The following GALNTL6 variants were observed in gnomAD, a reference collection of about 807,000 sequenced individuals.
GALNTL6 encodes polypeptide N-acetylgalactosaminyltransferase-like 6.
Under a neutral mutation model 73.7 loss-of-function variants are expected in GALNTL6, and 46 were observed. The observed-to-expected ratio is 0.62, with a 90% CI of 0.49 to 0.80. The LOEUF (loss-of-function observed/expected upper bound fraction) is 0.80. Among genes scored for constraint, GALNTL6 ranks in the 30% least tolerant of loss-of-function variants. The probability of loss-of-function intolerance (pLI) is 0.00; values close to 1 mark genes in which losing one functional copy is unlikely to be tolerated. For synonymous variants in GALNTL6, 259 were observed against 263.7 expected, an observed-to-expected ratio of 0.98 and a Z score of 0.17; for missense variants, 604 against 755.0, an observed-to-expected ratio of 0.80 and a Z score of 2.34.
rs191224356 is a variant in GALNTL6 at position 171,882,057 on chromosome 4, T to C, written c.138+67339T>C. Among the ~76,000 whole-genome samples the C allele has an allele frequency of 2.1e-3, 321 of 152,354 alleles. 2 individuals carry two copies. Among genetic ancestry groups the C allele is most frequent in the African/African-American group, 7.4e-3 (307 of 41,590 alleles). ...CCCTTATTTCACTCTCTAGTTCTCT[T>C]GATACCATCTGTTCTTTTCCTTCTT... On this transcript the variant is annotated intron_variant, in intron 2 of 12. Coordinates refer to ENST00000506823, the MANE Select transcript of GALNTL6 (RefSeq NM_001034845.3).
At chr4:172,594,617 T>C (rs539332010) in intron 5 of GALNTL6, among the ~76,000 whole-genome samples, 1 of 152,346 alleles carries the variant, frequency 6.6e-6, no homozygotes, top group Non-Finnish European at 1.5e-5. Context: ...CAGAATATTA[T>C]ACATTTCAAT....
At chr4:172,957,137 G>A (rs959981495) in intron 10 of GALNTL6, among the ~76,000 whole-genome samples, 5 of 152,282 alleles carry the variant, frequency 3.3e-5, no homozygotes, top group Admixed American at 1.3e-4. Flanking sequence ...AGTCCTGGGC[G>A]GGAGCAAATC....
intron 3 of GALNTL6, among the ~76,000 whole-genome samples, chr4:172,293,712 T>C (rs1739553233): frequency 6.6e-6 from 1 of 151,638 alleles, no homozygotes; most frequent in Non-Finnish European, 1.5e-5. Context: ...GCAATACATC[T>C]GTATAAATTA....
At chr4:172,276,651 CT>C (rs906166028) in intron 3 of GALNTL6, among the ~76,000 whole-genome samples, 26 of 149,762 alleles carry the variant, frequency 1.7e-4, no homozygotes, top group African/African-American at 5.6e-4. Flanking sequence ...ATCACTTTAA[CT>C]TTTTTTTTTC....
chr4:171,947,117 A>G (rs192101606), intron 2 of GALNTL6, among the ~76,000 whole-genome samples: 18 of 151,692 alleles, frequency 1.2e-4, no homozygotes, highest in Admixed American at 1.2e-3. Context: ...AGTACAACCT[A>G]CCCCCTTTCC....
At position 172,782,096 on chromosome 4, in the gene GALNTL6, A is replaced by G. The variant is rs182860627; in HGVS notation, c.554-27265A>G. 3.3e-5 allele frequency among the ~76,000 whole-genome samples: 5 copies of G among 152,210 alleles called. No individual in the cohort carries two copies. In the East Asian group the frequency reaches 7.7e-4, roughly 23 times the overall value. Reference sequence around the variant, plus strand: ...ACTAAAGGCTCACTCAATTGACCATAACCTTCTCTTAATTCTTCTCTCATT... The same window carrying G: ...ACTAAAGGCTCACTCAATTGACCATGACCTTCTCTTAATTCTTCTCTCATT... On this transcript the variant is annotated intron_variant, in intron 5 of 12. Transcript: ENST00000506823.
chr4:172,170,740 A>G (rs1463099798), intron 2 of GALNTL6, among the ~76,000 whole-genome samples: 1 of 151,888 alleles, frequency 6.6e-6, no homozygotes, highest in Admixed American at 6.6e-5. Context: ...TGAACTCCTG[A>G]CCTCAAGTCA....
intron 5 of GALNTL6, among the ~76,000 whole-genome samples, chr4:172,634,308 A>G (rs1038893369): frequency 2.0e-5 from 3 of 152,186 alleles, no homozygotes; most frequent in South Asian, 2.1e-4. Flanking sequence ...TGGCTCAAAG[A>G]CATGTTTTTT....
At chr4:171,900,279 C>T (rs185808726) in intron 2 of GALNTL6, among the ~76,000 whole-genome samples, 5 of 151,984 alleles carry the variant, frequency 3.3e-5, no homozygotes, top group African/African-American at 1.2e-4. Flanking sequence ...TTGAAATCAT[C>T]CCACAAGTCT....
intron 5 of GALNTL6, among the ~76,000 whole-genome samples, chr4:172,610,163 TG>T: frequency 6.6e-6 from 1 of 152,188 alleles, no homozygotes; most frequent in African/African-American, 2.4e-5. Context: ...ATTGATTTTT[TG>T]TGTGGTTTTT....
chr4:172,065,431 G>A (rs186434108), intron 2 of GALNTL6, among the ~76,000 whole-genome samples: 134 of 152,152 alleles, frequency 8.8e-4, no homozygotes, highest in African/African-American at 2.2e-3. Flanking sequence ...CAGGGGTTGG[G>A]GACCCCTGCA....
In GALNTL6 at chr4:172,354,627, G is replaced by T. The variant is rs1444254925; in HGVS notation, c.553+5938G>T. Among the ~76,000 whole-genome samples the T allele has an allele frequency of 2.6e-5, 4 of 152,036 alleles. No individual in the cohort carries two copies. In the East Asian group the frequency reaches 7.7e-4, roughly 29 times the overall value. ...CTACAACATAAAGGGGTAAAAGTTTGGGAAGTTACAAAATAAAAACTCAAC... is the reference window on the plus strand; with the variant it reads ...CTACAACATAAAGGGGTAAAAGTTTTGGAAGTTACAAAATAAAAACTCAAC... On this transcript the variant is annotated intron_variant, in intron 5 of 12. Coordinates refer to ENST00000506823, the MANE Select transcript of GALNTL6 (RefSeq NM_001034845.3).
At chr4:171,934,789 C>G (rs1475942316) in intron 2 of GALNTL6, among the ~76,000 whole-genome samples, 1 of 152,190 alleles carries the variant, frequency 6.6e-6, no homozygotes, top group Non-Finnish European at 1.5e-5. Context: ...GGCTAGAATA[C>G]TACAGTTTCT....
rs188865889 is a variant in GALNTL6 at position 172,846,278 on chromosome 4, G to A, written c.923+32555G>A. On this transcript the variant is annotated intron_variant, in intron 7 of 12. Transcript: ENST00000506823. ...AACCAAAAAGCTTAAAACTTTAGGA[G>A]GAACATGAACCTTAGAAAATATAAT... 1.2e-3 allele frequency among the ~76,000 whole-genome samples: 190 copies of A among 152,120 alleles called. 1 individual carries two copies. The highest frequency in any genetic ancestry group is 4.4e-3 in the African/African-American group (184 of 41,508).
At chr4:171,899,715 C>T (rs80353316) in intron 2 of GALNTL6, among the ~76,000 whole-genome samples, 1,882 of 152,286 alleles carry the variant, frequency 0.012, 43 homozygotes, top group African/African-American at 0.043. Context: ...TGAGTGTCAT[C>T]TGCTAATATT....
At chr4:172,304,494 T>C (rs1740055441) in intron 3 of GALNTL6, among the ~76,000 whole-genome samples, 1 of 152,172 alleles carries the variant, frequency 6.6e-6, no homozygotes, top group Non-Finnish European at 1.5e-5. Context: ...GTGTTAATTA[T>C]GAAAACTCTC....
chr4:172,538,170 T>A (rs1386692122), intron 5 of GALNTL6, among the ~76,000 whole-genome samples: 7 of 152,030 alleles, frequency 4.6e-5, no homozygotes, highest in Non-Finnish European at 1.0e-4. Flanking sequence ...CTTCAAGATT[T>A]CAAACCATGG....
At chr4:172,007,731 T>C (rs1170244837) in intron 2 of GALNTL6, among the ~76,000 whole-genome samples, 1 of 152,174 alleles carries the variant, frequency 6.6e-6, no homozygotes, top group African/African-American at 2.4e-5. Flanking sequence ...GGCATTTAAA[T>C]GTAGATTATT....
At chr4:172,918,476 G>A (rs62340332) in intron 8 of GALNTL6, among the ~76,000 whole-genome samples, 2 of 151,980 alleles carry the variant, frequency 1.3e-5, no homozygotes, top group Non-Finnish European at 2.9e-5. Context: ...AAGGCCAACA[G>A]AAGTTAACCA....
Sources: allele counts gnomAD v4.1 joint callset (sites outside exome capture counted in the v4.1 genomes callset), GRCh38; gene constraint gnomAD v4.1.1; transcripts MANE v1.5; gene names NCBI Gene and HGNC (gene_info 2026-07-23, HGNC 2026-07-21).